ADORA2B: variants seen among roughly 807,000 people sequenced by gnomAD.
The protein encoded by ADORA2B is adenosine A2b receptor.
ADORA2B carries 18 observed loss-of-function variants against 20.8 expected under a neutral mutation model. The observed-to-expected ratio is 0.87, with a 90% CI of 0.60 to 1.29. The LOEUF (loss-of-function observed/expected upper bound fraction) is 1.29. ADORA2B is among the 50% of genes most tolerant of loss of function. The pLI, the probability that ADORA2B is intolerant of heterozygous loss-of-function variation, is 0.00. For missense variants in ADORA2B, 441 were observed against 422.7 expected, an observed-to-expected ratio of 1.04 and a Z score of -0.38; for synonymous variants, 179 against 178.3, an observed-to-expected ratio of 1.00 and a Z score of -0.03.
the ADORA2B span, among the ~76,000 whole-genome samples, chr17:15,907,316 A>G: frequency 6.6e-6 from 1 of 151,932 alleles, no homozygotes; most frequent in African/African-American, 2.4e-5. Context: ...TTTTAGCATC[A>G]CCAGGAAGCA....
chr17:15,909,314 A>T, the ADORA2B span, among the ~76,000 whole-genome samples: 1 of 152,220 alleles, frequency 6.6e-6, no homozygotes. Flanking sequence ...CTTCAGGGCA[A>T]TCTGGAAACA....
the ADORA2B span, among the ~76,000 whole-genome samples, chr17:15,891,444 T>C: frequency 6.6e-6 from 1 of 152,340 alleles, no homozygotes; most frequent in South Asian, 2.1e-4. Context: ...AGACCTTTAA[T>C]GTAAGTGTAG....
chr17:15,856,973 T>C, the ADORA2B span, among the ~76,000 whole-genome samples: 1 of 152,182 alleles, frequency 6.6e-6, no homozygotes, highest in African/African-American at 2.4e-5. Flanking sequence ...CCCCAGGACA[T>C]GTCAGAGATC....
At chr17:15,903,529 C>T in the ADORA2B span, among the ~76,000 whole-genome samples, 2 of 152,170 alleles carry the variant, frequency 1.3e-5, no homozygotes, top group Non-Finnish European at 2.9e-5. Flanking sequence ...GAGACCCTCC[C>T]CCCAAGCACC....
the ADORA2B span, among the ~76,000 whole-genome samples, chr17:15,898,181 CAGAG>C: frequency 6.6e-6 from 1 of 152,146 alleles, no homozygotes; most frequent in Non-Finnish European, 1.5e-5. Flanking sequence ...CCAGTACCAA[CAGAG>C]AGATCAGTAA....
At chr17:15,973,377 G>C (rs1004884047) in intron 1 of ADORA2B, among the ~76,000 whole-genome samples, 1 of 152,260 alleles carries the variant, frequency 6.6e-6, no homozygotes, top group East Asian at 1.9e-4. Context: ...GTTTACCCCT[G>C]CTAGATCTGA....
chr17:15,933,293 T>C, the ADORA2B span, among the ~76,000 whole-genome samples: 1 of 152,194 alleles, frequency 6.6e-6, no homozygotes, highest in Non-Finnish European at 1.5e-5. Context: ...CTATTCTGTG[T>C]CCTCTGCATT....
chr17:15,852,225 C>G, the ADORA2B span, among the ~76,000 whole-genome samples: 35 of 152,006 alleles, frequency 2.3e-4, no homozygotes, highest in African/African-American at 8.5e-4. Flanking sequence ...TCAGTGCTTT[C>G]CTTTATGATT....
chr17:15,942,803 A>C (rs558929647), upstream of ADORA2B, among the ~76,000 whole-genome samples: 1 of 152,344 alleles, frequency 6.6e-6, no homozygotes, highest in African/African-American at 2.4e-5. Flanking sequence ...CCTGGCAGCC[A>C]GAGCCTTCTC....
At chr17:15,884,590 G>A in the ADORA2B span, among the ~76,000 whole-genome samples, 1 of 151,912 alleles carries the variant, frequency 6.6e-6, no homozygotes, top group Non-Finnish European at 1.5e-5. Flanking sequence ...CCCCATACAG[G>A]CCCCAGTATG....
the ADORA2B span, among the ~76,000 whole-genome samples, chr17:15,873,074 G>T: frequency 2.7e-3 from 409 of 152,284 alleles, 1 homozygote; most frequent in African/African-American, 9.1e-3. Context: ...TTTGAGGCAA[G>T]TTCTTTTATG....
intron 1 of ADORA2B, among the ~76,000 whole-genome samples, chr17:15,970,810 C>T (rs895841835): frequency 6.6e-6 from 1 of 152,176 alleles, no homozygotes; most frequent in Non-Finnish European, 1.5e-5. Context: ...TTGTCTTCTG[C>T]TTTGCCATCA....
the ADORA2B span, among the ~76,000 whole-genome samples, chr17:15,899,192 T>A: frequency 6.6e-6 from 1 of 151,666 alleles, no homozygotes; most frequent in African/African-American, 2.4e-5. Flanking sequence ...ATAGCACCAC[T>A]GCACTCCAGC....
At chr17:15,928,103 C>T in the ADORA2B span, among the ~76,000 whole-genome samples, 9 of 152,118 alleles carry the variant, frequency 5.9e-5, no homozygotes, top group Non-Finnish European at 1.0e-4. Context: ...CCACCACGCC[C>T]GGCCGAGGCC....
chr17:15,934,958 C>T, the ADORA2B span, among the ~76,000 whole-genome samples: 1 of 152,160 alleles, frequency 6.6e-6, no homozygotes, highest in South Asian at 2.1e-4. Context: ...AAGCGCATGC[C>T]ACCATGCCAC....
chr17:15,883,636 A>T, the ADORA2B span, among the ~76,000 whole-genome samples: 1 of 152,232 alleles, frequency 6.6e-6, no homozygotes, highest in Non-Finnish European at 1.5e-5. Context: ...GAAGCCCGTC[A>T]TCAAAGGGCA....
chr17:15,946,910 G>A (rs1969814188), intron 1 of ADORA2B, among the ~76,000 whole-genome samples: 1 of 152,246 alleles, frequency 6.6e-6, no homozygotes, highest in South Asian at 2.1e-4. Context: ...GTAAACTGGT[G>A]GTTGTAGGGG....
the ADORA2B span, among the ~76,000 whole-genome samples, chr17:15,900,761 C>T: frequency 4.6e-5 from 7 of 152,090 alleles, no homozygotes; most frequent in South Asian, 1.4e-3. Context: ...GACTTTTTAT[C>T]AGTAGCCATT....
chr17:15,882,781 C>G, the ADORA2B span, among the ~76,000 whole-genome samples: 1 of 150,984 alleles, frequency 6.6e-6, no homozygotes, highest in Non-Finnish European at 1.5e-5. Context: ...CTTCTGGAGA[C>G]TGAGGGTGAT....
Sources: allele counts gnomAD v4.1 joint callset (sites outside exome capture counted in the v4.1 genomes callset), GRCh38; gene constraint gnomAD v4.1.1; transcripts MANE v1.5; gene names NCBI Gene and HGNC (gene_info 2026-07-23, HGNC 2026-07-21).